TAF1: variants seen among roughly 807,000 people sequenced by gnomAD.
The protein encoded by TAF1 is transcription initiation factor TFIID subunit 1.
A neutral mutation model predicts 138.5 loss-of-function variants in TAF1; 2 were observed. The ratio of observed to expected loss-of-function variants is 0.01; its 90% CI spans 0.01 to 0.05. The LOEUF (loss-of-function observed/expected upper bound fraction) is 0.05, where lower values mean the gene tolerates loss of function less well. Among genes scored for constraint, TAF1 ranks in the 10% least tolerant of loss-of-function variants. The pLI, the probability that TAF1 is intolerant of heterozygous loss-of-function variation, is 1.00. For missense variants in TAF1, 709 were observed against 1,478.0 expected (o/e 0.48, Z 8.53); for synonymous variants, 437 against 503.2 (o/e 0.87, Z 1.76).
chrX:71,385,121 G>C (rs901042661), intron 14 of TAF1, 72 bp downstream of exon 14: 1 of 782,863 alleles, frequency 1.3e-6, no homozygotes, highest in African/African-American at 2.1e-5. Flanking sequence ...AGCTCAGAAA[G>C]AACTATTATA....
At chrX:71,421,896 A>G (rs2036361897) in intron 29 of TAF1, among the ~76,000 whole-genome samples, 1 of 112,557 alleles carries the variant, frequency 8.9e-6, no homozygotes, top group African/African-American at 3.2e-5. Context: ...ACAACTAGCC[A>G]GTAAACACGG....
rs1460339121 is a variant in TAF1 at position 71,395,451 on chromosome X, G to A, written c.3406+1206G>A. ...GCCTGGGAGGCAGAGGTTGCAGTGAGCTGAGATTGCGCCACTGCATTCCAG... is the reference window on the plus strand; with the variant it reads ...GCCTGGGAGGCAGAGGTTGCAGTGAACTGAGATTGCGCCACTGCATTCCAG... On this transcript the variant is annotated intron_variant, in intron 22 of 37. Coordinates refer to ENST00000423759, the MANE Select transcript of TAF1 (RefSeq NM_004606.5). 3.6e-5 allele frequency among the ~76,000 whole-genome samples: 4 copies of A among 111,248 alleles called. No individual in the cohort carries two copies. The Admixed American group carries it at 3.8e-4, about 11-fold the overall frequency.
chrX:71,387,778 A>G (rs972570703), intron 15 of TAF1, among the ~76,000 whole-genome samples: 2 of 111,747 alleles, frequency 1.8e-5, no homozygotes, highest in Non-Finnish European at 3.8e-5. Flanking sequence ...TACTAAAAAT[A>G]CAAAATTAGC....
intron 13 of TAF1, among the ~76,000 whole-genome samples, chrX:71,498,453 A>G (rs1242229807): frequency 8.9e-6 from 1 of 111,965 alleles, no homozygotes; most frequent in African/African-American, 3.2e-5. Context: ...TTGTACTCCT[A>G]GAATTGGGGT....
At position 71,385,066 on chromosome X, in the gene TAF1, T is replaced by C. The variant is rs1323028614; in HGVS notation, c.2226+17T>C. The C allele has an allele frequency of 8.8e-7, 1 of 1,130,336 alleles. No individual in the cohort carries two copies. The highest frequency in any genetic ancestry group is 2.3e-5 in the Admixed American group (1 of 43,956). The allele number at this position is 1,130,336 out of a possible 1,213,427, so 93.2% of individuals were successfully genotyped here. Reference sequence around the variant, plus strand: ...TTGCTGCAAGTGAGGAATTCTTTCCTGTTTTTACTGTTAACTAAGGAAATT... The same window carrying C: ...TTGCTGCAAGTGAGGAATTCTTTCCCGTTTTTACTGTTAACTAAGGAAATT... On this transcript the variant is annotated intron_variant, in intron 14 of 37. Transcript: ENST00000423759.
chrX:71,514,148 G>T (rs190193976), intron 13 of TAF1, among the ~76,000 whole-genome samples: 148 of 111,445 alleles, frequency 1.3e-3, no homozygotes, highest in Middle Eastern at 9.1e-3. Flanking sequence ...CATTCTTGAA[G>T]TCAGCGAGAC....
intron 14 of TAF1, among the ~76,000 whole-genome samples, chrX:71,386,264 C>T (rs922347996): frequency 1.4e-4 from 16 of 111,419 alleles, no homozygotes; most frequent in African/African-American, 5.2e-4. Flanking sequence ...ATGGTCTTCC[C>T]TCTTTCTGTC....
chrX:71,419,729 A>T (rs892423745), intron 28 of TAF1, among the ~76,000 whole-genome samples: 15 of 111,043 alleles, frequency 1.4e-4, no homozygotes, highest in African/African-American at 4.9e-4. Flanking sequence ...TAAAAAATAA[A>T]AAAACCTCCT....
chrX:71,494,690 T>C (rs1019934180), intron 13 of TAF1, among the ~76,000 whole-genome samples: 1 of 112,172 alleles, frequency 8.9e-6, no homozygotes, highest in Non-Finnish European at 1.9e-5. Flanking sequence ...CGGTGGGTTC[T>C]TGGTCTCACC....
intron 13 of TAF1, among the ~76,000 whole-genome samples, chrX:71,483,500 T>C (rs2039109587): frequency 9.5e-6 from 1 of 105,366 alleles, no homozygotes. Context: ...GGTGGGAGGA[T>C]CCCCTGAGAG....
chrX:71,420,476 A>G (rs1801101259), intron 28 of TAF1: 3 of 1,208,081 alleles, frequency 2.5e-6, no homozygotes, highest in Non-Finnish European at 3.4e-6. Context: ...CATTGCCAAC[A>G]TAGATGGAAC....
chrX:71,405,208 C>T (rs2035401246), intron 25 of TAF1, among the ~76,000 whole-genome samples: 1 of 111,331 alleles, frequency 9.0e-6, no homozygotes, highest in Non-Finnish European at 1.9e-5. Flanking sequence ...ATCCACCTGC[C>T]TCGGCCTCCC....
intron 5 of TAF1, 144 bp downstream of exon 5, chrX:71,377,335 T>G (rs1049920504): frequency 1.1e-6 from 1 of 939,347 alleles, no homozygotes; most frequent in African/African-American, 2.0e-5. Flanking sequence ...CACACTGTAT[T>G]AGGTCTTTTT....
intron 16 of TAF1, 131 bp downstream of exon 16, chrX:71,388,509 C>T: frequency 9.9e-7 from 1 of 1,006,216 alleles, no homozygotes; most frequent in African/African-American, 1.9e-5. Flanking sequence ...AGCAGATCTT[C>T]TAACACTCTG....
In TAF1 at chrX:71,367,526, G is replaced by C. The variant is rs1441069885; in HGVS notation, c.148G>C (p.Gly50Arg). The change falls in exon 2 of 38, where the codon GGG becomes CGG. Residue 50 changes from glycine to arginine, a missense_variant. This residue lies in a region of TAF1 where 123 missense variants were observed against 161.6 expected (regional missense o/e 0.76). Transcript: ENST00000423759. ...DECKKHLAGL[G>R]ALGLGSLITE... ...ATGTAAGAAGCACTTGGCAGGCTTG[G>C]GGGCTTTGGGGCTGGGCAGCCTGAT... 3.3e-6 allele frequency: 4 copies of C among 1,211,643 alleles called. No homozygotes were observed. In the Admixed American group the frequency reaches 8.7e-5, roughly 26 times the overall value.
chrX:71,452,562 T>A (rs1473053739), intron 32 of TAF1, among the ~76,000 whole-genome samples: 6 of 107,860 alleles, frequency 5.6e-5, no homozygotes, highest in Non-Finnish European at 1.2e-4. Flanking sequence ...GTAGAGACGC[T>A]CCTCACTTTC....
intron 32 of TAF1, among the ~76,000 whole-genome samples, chrX:71,449,222 T>A (rs2037843558): frequency 9.0e-6 from 1 of 110,735 alleles, no homozygotes; most frequent in Admixed American, 9.6e-5. Flanking sequence ...GAACTCCCAA[T>A]CAGGTGATCC....
rs916740866 is a variant in TAF1 at position 71,379,105 on chromosome X, A to ATTTTTTT, written c.1360+91_1360+97dup. 1.1e-4 allele frequency: 54 copies of ATTTTTTT among 485,979 alleles called. 2 individuals carry two copies. The African/African-American group carries it at 1.5e-3, about 13-fold the overall frequency. The allele number at this position is 485,979 out of a possible 1,213,427, so 40.1% of individuals were successfully genotyped here. A position where few individuals can be genotyped will look rare whatever the true frequency, so the allele number is the denominator to read the frequency against. On this transcript the variant is annotated intron_variant, in intron 8 of 37. Transcript: ENST00000423759. ...GTCACCATAAGTGGGCTCAGCTGTG[A>ATTTTTTT]TTTTTTTTTTTTTTTTTTTTTTTCG...
At chrX:71,460,521 T>C (rs2038504841) in intron 36 of TAF1, 105 bp from the exon 37 acceptor site, 1 of 929,838 alleles carries the variant, frequency 1.1e-6, no homozygotes, top group Non-Finnish European at 1.5e-6. Flanking sequence ...GCAAGATACC[T>C]GTGTAGATGT....
Sources: gnomAD v4.1 joint callset for allele counts (sites outside exome capture counted in the v4.1 genomes callset) on GRCh38, gnomAD v4.1.1 for gene constraint, gnomAD v4.1.1 regional missense constraint, MANE v1.5 for transcripts, NCBI Gene and HGNC (gene_info 2026-07-23, HGNC 2026-07-21) for gene names.